The following CHD7 variants were observed in gnomAD, a reference collection of about 807,000 sequenced individuals.
CHD7 encodes chromodomain helicase DNA binding protein 7.
A neutral mutation model predicts 307.3 loss-of-function variants in CHD7; 24 were observed. The observed-to-expected ratio is 0.08, with a 90% CI of 0.06 to 0.11. CHD7 has a LOEUF of 0.11. Among genes scored for constraint, CHD7 ranks in the 10% least tolerant of loss-of-function variants. The pLI, the probability that CHD7 is intolerant of heterozygous loss-of-function variation, is 1.00. For missense variants in CHD7, 3,106 were observed against 3,727.1 expected, an observed-to-expected ratio of 0.83 and a Z score of 4.34; for synonymous variants, 1,363 against 1,349.9, an observed-to-expected ratio of 1.01 and a Z score of -0.21.
chr8:60,718,514 A>C (rs1807730265), intron 1 of CHD7, among the ~76,000 whole-genome samples: 1 of 152,144 alleles, frequency 6.6e-6, no homozygotes, highest in Admixed American at 6.5e-5. Context: ...GTAAAAAACT[A>C]AACTAAATTA....
intron 1 of CHD7, among the ~76,000 whole-genome samples, chr8:60,727,463 G>A (rs942567790): frequency 1.3e-5 from 2 of 152,154 alleles, no homozygotes; most frequent in African/African-American, 4.8e-5. Context: ...TAATAACAGA[G>A]TTAGTCTTAA....
At chr8:60,746,192 C>T (rs749672040) in intron 2 of CHD7, among the ~76,000 whole-genome samples, 8 of 152,098 alleles carry the variant, frequency 5.3e-5, no homozygotes, top group Non-Finnish European at 1.2e-4. Context: ...CACCACCGTG[C>T]CTGGCTAATT....
chr8:60,810,844 T>C (rs1478025759), intron 7 of CHD7, among the ~76,000 whole-genome samples: 1 of 152,194 alleles, frequency 6.6e-6, no homozygotes, highest in African/African-American at 2.4e-5. Flanking sequence ...GGATCAGTAC[T>C]GGTCAGTGTC....
At chr8:60,778,614 G>A (rs956731572) in intron 2 of CHD7, among the ~76,000 whole-genome samples, 4 of 152,172 alleles carry the variant, frequency 2.6e-5, no homozygotes, top group Admixed American at 6.5e-5. Context: ...AACATACCTG[G>A]TATTAATTCT....
At chr8:60,800,086 A>G (rs1250369324) in intron 4 of CHD7, among the ~76,000 whole-genome samples, 1 of 151,506 alleles carries the variant, frequency 6.6e-6, no homozygotes, top group Non-Finnish European at 1.5e-5. Context: ...ACTGCAGTGC[A>G]GTGGCGAAAT....
chr8:60,695,177 A>G (rs550861710), intron 1 of CHD7, among the ~76,000 whole-genome samples: 1 of 152,292 alleles, frequency 6.6e-6, no homozygotes, highest in East Asian at 1.9e-4. Context: ...CCAAAATAGA[A>G]AACATTTGAG....
intron 15 of CHD7, among the ~76,000 whole-genome samples, chr8:60,831,824 T>A (rs1804531882): frequency 6.6e-6 from 1 of 152,176 alleles, no homozygotes; most frequent in South Asian, 2.1e-4. Context: ...TCACAGTTTA[T>A]GTTCAAGGAC....
In CHD7 at chr8:60,857,478, A is replaced by G. The variant is rs1043201086; in HGVS notation, c.7608+590A>G. Among the ~76,000 whole-genome samples, 4 of 152,242 alleles carry G rather than the reference A, an allele frequency of 2.6e-5. 1 individual carries two copies. Among genetic ancestry groups the G allele is most frequent in the African/African-American group, 9.6e-5 (4 of 41,470 alleles). ...TTTTCTTTCTTAATCTGCTTCAACT[A>G]CATCTCACCCAAAAATGTGGTGCCT... On this transcript the variant is annotated intron_variant, in intron 34 of 37. Coordinates refer to ENST00000423902, the MANE Select transcript of CHD7 (RefSeq NM_017780.4).
intron 7 of CHD7, among the ~76,000 whole-genome samples, chr8:60,814,076 T>TA (rs1309580213): frequency 6.6e-6 from 1 of 152,224 alleles, no homozygotes; most frequent in Admixed American, 6.5e-5. Flanking sequence ...TCATAACTTT[T>TA]AAAAAATATT....
chr8:60,745,117 A>G (rs1188785918), intron 2 of CHD7, among the ~76,000 whole-genome samples: 3 of 151,968 alleles, frequency 2.0e-5, no homozygotes, highest in Non-Finnish European at 4.4e-5. Context: ...AAAGCGGACC[A>G]AAAGTACTGT....
Position 60,749,370 on chromosome 8 carries a change from CAAAAAAAAAAAAAAA to C in CHD7, c.1665+6283_1665+6297del, listed in dbSNP as rs55661758. 5.0e-4 allele frequency among the ~76,000 whole-genome samples: 28 copies of C among 56,310 alleles called. No individual in the cohort carries two copies. In the East Asian group the frequency reaches 0.013, roughly 26 times the overall value. The allele number at this position is 56,310 out of a possible 152,430, so 36.9% of individuals were successfully genotyped here. On this transcript the variant is annotated intron_variant, in intron 2 of 37. Coordinates refer to ENST00000423902, the MANE Select transcript of CHD7 (RefSeq NM_017780.4). ...TGGTCAACAGAGCAAGACTCTGTAT[CAAAAAAAAAAAAAAA>C]AAAAAAAAAGGAATTACAAATTACA...
Position 60,774,006 on chromosome 8 carries a change from T to A in CHD7, c.1666-6994T>A, listed in dbSNP as rs1202155084. ...CTTAACCTGCAGATTAGGGTTAGGA[T>A]CTTAAATAGAAGTAAGGCCTTTATG... On this transcript the variant is annotated intron_variant, in intron 2 of 37. Transcript: ENST00000423902. Among the ~76,000 whole-genome samples, 5 of 152,200 alleles carry A rather than the reference T, an allele frequency of 3.3e-5. No homozygotes were observed. The East Asian group carries it at 9.6e-4, about 29-fold the overall frequency.
chr8:60,822,296 ATATT>A lies in CHD7; in HGVS notation c.2957+152_2957+155del, dbSNP rs528426644. Among the ~76,000 whole-genome samples the A allele has an allele frequency of 7.5e-4, 114 of 152,316 alleles. 2 individuals are homozygous for A. The highest frequency in any genetic ancestry group is 6.7e-3 in the Admixed American group (102 of 15,310). Reference sequence around the variant, plus strand: ...TGAAAATATATGTAATATTTAATAAATATTAATACAGAGATTGATATAAGTGTGT... The same window carrying A: ...TGAAAATATATGTAATATTTAATAAAAATACAGAGATTGATATAAGTGTGT... On this transcript the variant is annotated intron_variant, in intron 11 of 37. Coordinates refer to ENST00000423902, the MANE Select transcript of CHD7 (RefSeq NM_017780.4).
At chr8:60,721,974 C>A (rs1055988757) in intron 1 of CHD7, among the ~76,000 whole-genome samples, 1 of 152,066 alleles carries the variant, frequency 6.6e-6, no homozygotes, top group Non-Finnish European at 1.5e-5. Flanking sequence ...GGGTTGGGGT[C>A]GGGGATGTTG....
intron 1 of CHD7, among the ~76,000 whole-genome samples, chr8:60,696,736 T>G (rs948784112): frequency 6.6e-6 from 1 of 152,138 alleles, no homozygotes; most frequent in African/African-American, 2.4e-5. Context: ...CTCTGACAGT[T>G]TTTCAGTAAT....
At chr8:60,729,355 A>G (rs1321258833) in intron 1 of CHD7, among the ~76,000 whole-genome samples, 1 of 152,308 alleles carries the variant, frequency 6.6e-6, no homozygotes, top group Admixed American at 6.5e-5. Flanking sequence ...GGTTTGTTTA[A>G]TAGGATAGTG....
At chr8:60,729,017 AT>A (rs1808311378) in intron 1 of CHD7, among the ~76,000 whole-genome samples, 1 of 152,194 alleles carries the variant, frequency 6.6e-6, no homozygotes, top group African/African-American at 2.4e-5. Flanking sequence ...GAAAAATTAG[AT>A]TTATTCTACA....
chr8:60,730,648 C>T (rs1808403924), intron 1 of CHD7, among the ~76,000 whole-genome samples: 1 of 152,138 alleles, frequency 6.6e-6, no homozygotes, highest in South Asian at 2.1e-4. Flanking sequence ...ATCACGAGGT[C>T]AGGAGATCAA....
chr8:60,684,366 C>T (rs1443270227), intron 1 of CHD7, among the ~76,000 whole-genome samples: 3 of 152,144 alleles, frequency 2.0e-5, no homozygotes, highest in Non-Finnish European at 4.4e-5. Context: ...ATTGATTCGG[C>T]TGTTTGTTGG....
Sources: allele counts gnomAD v4.1 joint callset (sites outside exome capture counted in the v4.1 genomes callset), GRCh38; gene constraint gnomAD v4.1.1; transcripts MANE v1.5; gene names NCBI Gene and HGNC (gene_info 2026-07-23, HGNC 2026-07-21).